CTNND2: variants seen among roughly 807,000 people sequenced by gnomAD.
The protein encoded by CTNND2 is catenin delta 2.
In CTNND2, 22 loss-of-function variants were observed where a neutral mutation model predicts 144.4. The observed-to-expected ratio is 0.15, with a 90% CI of 0.11 to 0.22. The LOEUF is 0.22. Ranked by LOEUF, CTNND2 falls within the 10% of genes least tolerant of loss-of-function variation. CTNND2 has a pLI of 1.00. For synonymous variants in CTNND2, 751 were observed against 695.6 expected (o/e 1.08, Z -1.25); for missense variants, 1,353 against 1,618.8 (o/e 0.84, Z 2.82).
chr5:11,275,943 T>C (rs1746477574), intron 9 of CTNND2, among the ~76,000 whole-genome samples: 1 of 152,262 alleles, frequency 6.6e-6, no homozygotes, highest in South Asian at 2.1e-4. Context: ...CATTCAATAC[T>C]TGCACATGAT....
intron 12 of CTNND2, among the ~76,000 whole-genome samples, chr5:11,137,511 C>T (rs959822567): frequency 2.6e-5 from 4 of 152,186 alleles, no homozygotes; most frequent in African/African-American, 7.2e-5. Context: ...TAGGGTAATA[C>T]TCTAAGCCTT....
At chr5:11,240,224 A>AT (rs1742110023) in intron 9 of CTNND2, among the ~76,000 whole-genome samples, 1 of 107,900 alleles carries the variant, frequency 9.3e-6, no homozygotes, top group Non-Finnish European at 1.9e-5. Context: ...ACACACACCC[A>AT]ACACACACAC....
chr5:11,440,614 T>C (rs1231855008), intron 3 of CTNND2, among the ~76,000 whole-genome samples: 1 of 152,192 alleles, frequency 6.6e-6, no homozygotes, highest in Non-Finnish European at 1.5e-5. Context: ...AAGACTAAAG[T>C]GTATTTTGAT....
In CTNND2 at chr5:11,412,333, C is replaced by T. The variant is rs61749765; in HGVS notation, c.288-264G>A. ...TCAGAAGAGCTCATTTTTTACAAAG[C>T]CCAACCTGTTAGACTCATTCTTTAC... On this transcript the variant is annotated intron_variant, in intron 3 of 21. Transcript: ENST00000304623. Among the ~76,000 whole-genome samples the T allele has an allele frequency of 7.0e-4, 107 of 152,212 alleles. 3 individuals carry two copies. The East Asian group carries it at 0.015, about 21-fold the overall frequency.
At chr5:11,691,905 T>C (rs1449939176) in intron 2 of CTNND2, among the ~76,000 whole-genome samples, 1 of 152,166 alleles carries the variant, frequency 6.6e-6, no homozygotes, top group Non-Finnish European at 1.5e-5. Context: ...AAGAAAAACT[T>C]AGAAATGTTT....
At chr5:11,436,104 G>A (rs1056240806) in intron 3 of CTNND2, among the ~76,000 whole-genome samples, 1 of 151,944 alleles carries the variant, frequency 6.6e-6, no homozygotes, top group African/African-American at 2.4e-5. Context: ...TTGCTCTCGG[G>A]GGCTGGCACA....
At chr5:11,750,290 C>G (rs1273979051) in intron 1 of CTNND2, among the ~76,000 whole-genome samples, 1 of 151,872 alleles carries the variant, frequency 6.6e-6, no homozygotes, top group African/African-American at 2.4e-5. Context: ...TCCTCATTCT[C>G]TGTTTCTTCC....
rs373082470 is a variant in CTNND2, at chr5:11,377,217, A to T, written c.1177+7448T>A. Among the ~76,000 whole-genome samples, 79 of 148,868 alleles carry T rather than the reference A, an allele frequency of 5.3e-4. 1 individual carries two copies. Among genetic ancestry groups the T allele is most frequent in the African/African-American group, 1.8e-3 (74 of 40,680 alleles). On this transcript the variant is annotated intron_variant, in intron 7 of 21. Coordinates refer to ENST00000304623, the MANE Select transcript of CTNND2 (RefSeq NM_001332.4). ...AGGCACGCGCCGCCACACCTGGCTA[A>T]TTTTTTTTTTGTATTTTTTAGTAGA...
chr5:11,587,450 C>A (rs1157342160), intron 2 of CTNND2, among the ~76,000 whole-genome samples: 1 of 151,830 alleles, frequency 6.6e-6, no homozygotes, highest in Admixed American at 6.6e-5. Context: ...ATAATAAGGG[C>A]CTTTCTTCCT....
chr5:11,494,020 C>A (rs1160128197), intron 3 of CTNND2, among the ~76,000 whole-genome samples: 1 of 151,972 alleles, frequency 6.6e-6, no homozygotes, highest in African/African-American at 2.4e-5. Flanking sequence ...ATTAAAAAAT[C>A]TTTTTATTAA....
At chr5:11,433,342 A>ACCT (rs1763469937) in intron 3 of CTNND2, among the ~76,000 whole-genome samples, 1 of 137,526 alleles carries the variant, frequency 7.3e-6, no homozygotes. Flanking sequence ...AGCCAAAATG[A>ACCT]GATGCTGATG....
intron 11 of CTNND2, among the ~76,000 whole-genome samples, chr5:11,169,874 G>A (rs998373082): frequency 6.6e-6 from 1 of 151,990 alleles, no homozygotes; most frequent in Non-Finnish European, 1.5e-5. Context: ...TGAAGATATG[G>A]TGGCAGAGTA....
At chr5:11,809,590 C>G (rs778453948) in intron 1 of CTNND2, among the ~76,000 whole-genome samples, 3 of 152,118 alleles carry the variant, frequency 2.0e-5, no homozygotes, top group Non-Finnish European at 4.4e-5. Flanking sequence ...TCAGGGCGGA[C>G]CACAGGTCTC....
intron 11 of CTNND2, among the ~76,000 whole-genome samples, chr5:11,168,031 A>C (rs989817938): frequency 6.6e-6 from 1 of 152,096 alleles, no homozygotes; most frequent in African/African-American, 2.4e-5. Flanking sequence ...GATTAGTTTA[A>C]AAAATAACCT....
chr5:11,349,649 A>G (rs1443878700), intron 8 of CTNND2, among the ~76,000 whole-genome samples: 1 of 152,210 alleles, frequency 6.6e-6, no homozygotes, highest in African/African-American at 2.4e-5. Flanking sequence ...AAAGGTACAG[A>G]GAAGAGATGG....
chr5:11,507,260 T>C lies in CTNND2; in HGVS notation c.287+57684A>G, dbSNP rs137873531. Among the ~76,000 whole-genome samples the C allele has an allele frequency of 6.9e-3, 1,055 of 152,244 alleles. 14 individuals carry two copies. Among genetic ancestry groups the C allele is most frequent in the African/African-American group, 0.024 (1,006 of 41,546 alleles). On this transcript the variant is annotated intron_variant, in intron 3 of 21. Coordinates refer to ENST00000304623, the MANE Select transcript of CTNND2 (RefSeq NM_001332.4). ...AAACATTCAATGGTTCTTTACGAAATGAAGAATCAAGTCCAGGCTTCTAGC... is the reference window on the plus strand; with the variant it reads ...AAACATTCAATGGTTCTTTACGAAACGAAGAATCAAGTCCAGGCTTCTAGC...
chr5:11,075,611 G>T (rs1050445368), intron 16 of CTNND2, among the ~76,000 whole-genome samples: 1 of 152,216 alleles, frequency 6.6e-6, no homozygotes, highest in African/African-American at 2.4e-5. Flanking sequence ...GCCCTGGTTC[G>T]CCTGCTGGAA....
chr5:11,347,659 A>G (rs1754933071), intron 8 of CTNND2, among the ~76,000 whole-genome samples: 1 of 152,216 alleles, frequency 6.6e-6, no homozygotes, highest in African/African-American at 2.4e-5. Flanking sequence ...GTGCTGTAGA[A>G]CAGACTTCAT....
At chr5:11,045,679 T>C (rs1195476932) in intron 16 of CTNND2, among the ~76,000 whole-genome samples, 2 of 152,178 alleles carry the variant, frequency 1.3e-5, no homozygotes, top group African/African-American at 2.4e-5. Context: ...TTTGGATTTA[T>C]AGCCCACTTG....
Sources: allele counts gnomAD v4.1 joint callset (sites outside exome capture counted in the v4.1 genomes callset), GRCh38; gene constraint gnomAD v4.1.1; transcripts MANE v1.5; gene names NCBI Gene and HGNC (gene_info 2026-07-23, HGNC 2026-07-21).